Variants in DMXL2 observed in about 807,000 individuals in gnomAD.
DMXL2 encodes dmX-like protein 2.
In DMXL2, 103 loss-of-function variants were observed where a neutral mutation model predicts 331.1. That is an observed-to-expected ratio of 0.31 (90% CI 0.27 to 0.37). DMXL2 has a LOEUF of 0.37. Ranked by LOEUF, DMXL2 falls within the 10% of genes least tolerant of loss-of-function variation. DMXL2 has a pLI of 1.00. For missense variants in DMXL2, 3,171 were observed against 3,642.9 expected, an observed-to-expected ratio of 0.87 and a Z score of 3.33; for synonymous variants, 1,281 against 1,252.1, an observed-to-expected ratio of 1.02 and a Z score of -0.49.
chr15:51,498,850 A>G lies in DMXL2; in HGVS notation c.4374T>C (p.Asp1458=), dbSNP rs750607254. The G allele has an allele frequency of 6.2e-7, 1 of 1,614,120 alleles. No homozygotes were observed. Among genetic ancestry groups the G allele is most frequent in the Non-Finnish European group, 8.5e-7 (1 of 1,180,008 alleles). The stretch of plus-strand genomic sequence containing the variant: ...GATCCTCTGGTTGACTTACTGTCTG[A>G]TCTTCATAGCTCTGTGGTATCTTTG... ...ESTKIPQSYE[D]QTVSQPEDQY... is the part of the protein sequence containing the mutation. The change falls in exon 18 of 44, where the codon GAT becomes GAC. Residue 1458 remains aspartate, a synonymous_variant. Transcript: ENST00000560891.
intron 16 of DMXL2, among the ~76,000 whole-genome samples, chr15:51,503,595 G>T (rs865903636): frequency 1.3e-5 from 2 of 152,094 alleles, no homozygotes; most frequent in Non-Finnish European, 2.9e-5. Context: ...TGGGTGAAGA[G>T]ACTCTTTAAT....
intron 13 of DMXL2, among the ~76,000 whole-genome samples, chr15:51,521,470 G>GGTAGTAGTA (rs1350221640): frequency 9.3e-4 from 139 of 148,972 alleles, no homozygotes; most frequent in African/African-American, 3.0e-3. Context: ...TAGTGGTAGT[G>GGTAGTAGTA]GTAGTAGTAG....
intron 1 of DMXL2, among the ~76,000 whole-genome samples, chr15:51,586,293 A>G (rs2051818468): frequency 6.6e-6 from 1 of 152,210 alleles, no homozygotes; most frequent in African/African-American, 2.4e-5. Flanking sequence ...AAAATTAACA[A>G]AATTTATGCA....
At position 51,519,636 on chromosome 15, in the gene DMXL2, G is replaced by GTTTT. The variant is rs61062444; in HGVS notation, c.2437-2473_2437-2470dup. Among the ~76,000 whole-genome samples the GTTTT allele has an allele frequency of 1.5e-3, 131 of 84,898 alleles. 2 individuals are homozygous for GTTTT. Among genetic ancestry groups the GTTTT allele is most frequent in the Non-Finnish European group, 1.8e-3 (76 of 42,072 alleles). The allele number at this position is 84,898 out of a possible 152,430, so 55.7% of individuals were successfully genotyped here. A position where few individuals can be genotyped will look rare whatever the true frequency, so the allele number is the denominator to read the frequency against. On this transcript the variant is annotated intron_variant, in intron 13 of 43. Coordinates refer to ENST00000560891, the MANE Select transcript of DMXL2 (RefSeq NM_001378457.1). ...TTCTCTGGTTTTGACAAAGTCTCTT[G>GTTTT]TTTTTTTTTTTTTTTTTTTTTTTGA...
intron 4 of DMXL2, among the ~76,000 whole-genome samples, chr15:51,564,630 G>T (rs943499843): frequency 6.6e-6 from 1 of 152,084 alleles, no homozygotes; most frequent in African/African-American, 2.4e-5. Context: ...TTAATAAAAT[G>T]TGGTTTTACA....
chr15:51,492,193 G>A (rs571065578), intron 19 of DMXL2, among the ~76,000 whole-genome samples: 4 of 152,330 alleles, frequency 2.6e-5, no homozygotes, highest in South Asian at 2.1e-4. Context: ...GACACAAGGT[G>A]TGTTATCCCC....
In DMXL2 at chr15:51,499,316, G is replaced by T; in HGVS notation, c.3908C>A (p.Ser1303Tyr). The change falls in exon 18 of 44, where the codon TCT becomes TAT. Residue 1303 changes from serine to tyrosine, a missense_variant. Physicochemically the swap from Ser to Tyr is moderately radical, Grantham distance 144. Coordinates refer to ENST00000560891, the MANE Select transcript of DMXL2 (RefSeq NM_001378457.1). Reference protein sequence around the residue: ...AAMQDHSTFKSNMLARKSVVE... With the variant: ...AAMQDHSTFKYNMLARKSVVE... Reference sequence around the variant, plus strand: ...AACACTTTTTCTTGCCAGCATATTAGATTTAAAGGTCGAATGATCTTGCAT... The same window carrying T: ...AACACTTTTTCTTGCCAGCATATTATATTTAAAGGTCGAATGATCTTGCAT... 6.2e-7 allele frequency: 1 copy of T among 1,613,884 alleles called. No homozygotes were observed. Among genetic ancestry groups the T allele is most frequent in the Non-Finnish European group, 8.5e-7 (1 of 1,179,998 alleles).
chr15:51,548,499 T>C (rs1241984175), intron 6 of DMXL2, among the ~76,000 whole-genome samples: 1 of 152,132 alleles, frequency 6.6e-6, no homozygotes, highest in African/African-American at 2.4e-5. Flanking sequence ...TCCAAGTATC[T>C]TCTTCAGCAT....
At chr15:51,455,067 C>G (rs1034141711) in intron 40 of DMXL2, 84 bp downstream of exon 40, 9 of 1,098,346 alleles carry the variant, frequency 8.2e-6, no homozygotes, top group Non-Finnish European at 1.1e-5. Flanking sequence ...AATAGGACCA[C>G]CAATGAGATT....
intron 13 of DMXL2, among the ~76,000 whole-genome samples, chr15:51,526,666 A>C (rs2140792477): frequency 6.6e-6 from 1 of 152,320 alleles, no homozygotes; most frequent in East Asian, 1.9e-4. Flanking sequence ...CACAGACAAC[A>C]AATTCAGAAT....
chr15:51,460,448 C>T (rs1276168459), intron 33 of DMXL2: 1 of 802,536 alleles, frequency 1.2e-6, no homozygotes, highest in East Asian at 1.3e-4. Context: ...CAGTGAAGGC[C>T]AAACTGCTGA....
At chr15:51,540,305 A>G (rs918031109) in intron 9 of DMXL2, among the ~76,000 whole-genome samples, 9 of 152,236 alleles carry the variant, frequency 5.9e-5, no homozygotes, top group Admixed American at 2.0e-4. Flanking sequence ...GGTATATTAC[A>G]TGATATTATT....
In DMXL2 at chr15:51,561,532, C is replaced by CA. The variant is rs2049971964; in HGVS notation, c.567+1848dup. ...GGCCCTTGGGCTCCCAGGCAGCATA[C>CA]AAGACGCCAGTAGTCACAGGTCCAG... On this transcript the variant is annotated intron_variant, in intron 6 of 43. Transcript: ENST00000560891. 2.6e-5 allele frequency among the ~76,000 whole-genome samples: 3 copies of CA among 114,478 alleles called. No individual in the cohort carries two copies. In the South Asian group the frequency reaches 8.1e-4, roughly 31 times the overall value. 75.1% of individuals were successfully genotyped at this position (114,478 alleles called of 152,430 possible).
At position 51,537,614 on chromosome 15, in the gene DMXL2, C is replaced by A. The variant is rs114265876; in HGVS notation, c.1491G>T (p.Thr497=). 3.7e-6 allele frequency: 6 copies of A among 1,613,836 alleles called. No homozygotes were observed. Among genetic ancestry groups the A allele is most frequent in the Non-Finnish European group, 5.1e-6 (6 of 1,179,868 alleles). ...GATTCTTATTCCATTCAGTTAGCAG[C>A]GTTTCAATCTTCCGATCAAGCAGAA... ...PTVLLDRKIE[T]LLTEWNKNPD... The change falls in exon 11 of 44, where the codon ACG becomes ACT. Residue 497 remains threonine (T), a synonymous_variant. Transcript: ENST00000560891.
intron 8 of DMXL2, 105 bp from the exon 9 acceptor site, chr15:51,542,612 A>T: frequency 1.2e-6 from 1 of 807,166 alleles, no homozygotes; most frequent in East Asian, 2.7e-5. Flanking sequence ...TCTCCATAAA[A>T]ACCTGATCAT....
intron 1 of DMXL2, among the ~76,000 whole-genome samples, chr15:51,620,428 G>C (rs948456639): frequency 2.6e-5 from 4 of 152,180 alleles, no homozygotes; most frequent in African/African-American, 7.2e-5. Flanking sequence ...ATGCAGTTTA[G>C]AGTAAGAAGA....
chr15:51,470,104 T>C (rs2040958775), intron 29 of DMXL2, among the ~76,000 whole-genome samples: 1 of 152,172 alleles, frequency 6.6e-6, no homozygotes, highest in African/African-American at 2.4e-5. Context: ...TGCTGCCGGT[T>C]CTGAGACCAC....
At chr15:51,548,438 T>C (rs2049011229) in intron 6 of DMXL2, among the ~76,000 whole-genome samples, 1 of 152,166 alleles carries the variant, frequency 6.6e-6, no homozygotes, top group East Asian at 1.9e-4. Flanking sequence ...CAGCAAATCT[T>C]TTAAGTGTTT....
At chr15:51,562,586 ACCT>A (rs2050039047) in intron 6 of DMXL2, among the ~76,000 whole-genome samples, 1 of 152,096 alleles carries the variant, frequency 6.6e-6, no homozygotes, top group African/African-American at 2.4e-5. Context: ...TTCCCAGAAT[ACCT>A]CCTATGTGGG....
Sources: gnomAD v4.1 joint callset for allele counts (sites outside exome capture counted in the v4.1 genomes callset) on GRCh38, gnomAD v4.1.1 for gene constraint, MANE v1.5 for transcripts, NCBI Gene and HGNC (gene_info 2026-07-23, HGNC 2026-07-21) for gene names.